The following MIPEP variants were observed in gnomAD, a reference collection of about 807,000 sequenced individuals.
The protein encoded by MIPEP is mitochondrial intermediate peptidase.
In MIPEP, 79 loss-of-function variants were observed where a neutral mutation model predicts 90.3. The observed-to-expected ratio is 0.87, with a 90% confidence interval of 0.73 to 1.05. MIPEP has a LOEUF of 1.05. MIPEP is among the 50% of genes least tolerant of loss of function. The pLI is 0.00. For synonymous variants in MIPEP, 334 were observed against 315.8 expected (o/e 1.06, Z -0.61); for missense variants, 940 against 905.6 (o/e 1.04, Z -0.49).
intron 2 of MIPEP, among the ~76,000 whole-genome samples, chr13:23,882,108 C>T (rs1422707761): frequency 2.7e-5 from 4 of 148,044 alleles, no homozygotes; most frequent in African/African-American, 1.0e-4. Flanking sequence ...CTTGCTCCGT[C>T]GCCCAGGCTG....
intron 7 of MIPEP, among the ~76,000 whole-genome samples, chr13:23,868,453 C>A (rs1345439758): frequency 6.6e-6 from 1 of 152,132 alleles, no homozygotes; most frequent in Non-Finnish European, 1.5e-5. Flanking sequence ...GGGATAAGCA[C>A]AGAAGGAATA....
At chr13:23,803,700 A>C (rs1271169363) in intron 16 of MIPEP, among the ~76,000 whole-genome samples, 1 of 152,128 alleles carries the variant, frequency 6.6e-6, no homozygotes, top group Non-Finnish European at 1.5e-5. Context: ...CTTAATTCCT[A>C]CAGCTTTATT....
intron 10 of MIPEP, among the ~76,000 whole-genome samples, chr13:23,853,598 T>C (rs1431852924): frequency 4.6e-5 from 7 of 151,882 alleles, no homozygotes; most frequent in Non-Finnish European, 8.8e-5. Flanking sequence ...TCTCACTCTG[T>C]TGCCCAAACT....
Position 23,760,200 on chromosome 13 carries a change from G to A in MIPEP, c.1866C>T (p.Phe622=). 6.2e-7 allele frequency: 1 copy of A among 1,614,054 alleles called. No individual in the cohort carries two copies. The highest frequency in any genetic ancestry group is 8.5e-7 in the Non-Finnish European group (1 of 1,179,982). Residue 622 remains phenylalanine, a synonymous_variant, in exon 17 of 19, where the codon TTC becomes TTT. Transcript: ENST00000382172. ...TAGCACCATACCCCACGAGGTGGCTGAATCGCAGCTGCCAGGCCTGCCAAG... is the reference window on the plus strand; with the variant it reads ...TAGCACCATACCCCACGAGGTGGCTAAATCGCAGCTGCCAGGCCTGCCAAG... ...YVPNTAWQLR[F]SHLVGYGARY...
In MIPEP at chr13:23,795,388, G is replaced by T. The variant is rs75448180; in HGVS notation, c.1848+10562C>A. 2.1e-3 allele frequency among the ~76,000 whole-genome samples: 313 copies of T among 152,238 alleles called. 2 individuals are homozygous for T. Among genetic ancestry groups the T allele is most frequent in the African/African-American group, 7.4e-3 (309 of 41,554 alleles). On this transcript the variant is annotated intron_variant, in intron 16 of 18. Coordinates refer to ENST00000382172, the MANE Select transcript of MIPEP (RefSeq NM_005932.4). ...TATGCCATTCTTTCAACCAACATCT[G>T]AACAAGTGTGGGATAAAAATAGCCA... is the stretch of plus-strand genomic sequence containing the variant.
At chr13:23,805,832 G>A in intron 16 of MIPEP, 118 bp downstream of exon 16, 1 of 1,083,992 alleles carries the variant, frequency 9.2e-7, no homozygotes, top group East Asian at 2.5e-5. Context: ...TGAGCCATGT[G>A]AAGCCTCAAC....
intron 14 of MIPEP, among the ~76,000 whole-genome samples, chr13:23,822,149 G>C (rs9510876): frequency 0.35 from 53,366 of 152,042 alleles, 9,993 homozygotes; most frequent in African/African-American, 0.48. Flanking sequence ...TTTTAAAATA[G>C]GAAAATGGTA....
intron 14 of MIPEP, among the ~76,000 whole-genome samples, chr13:23,835,825 A>C (rs1869013000): frequency 6.6e-6 from 1 of 152,242 alleles, no homozygotes; most frequent in African/African-American, 2.4e-5. Context: ...ATGGCACTGG[A>C]TTCAGTTTAA....
At chr13:23,799,681 G>A (rs548196308) in intron 16 of MIPEP, among the ~76,000 whole-genome samples, 1 of 152,302 alleles carries the variant, frequency 6.6e-6, no homozygotes, top group South Asian at 2.1e-4. Flanking sequence ...CCAGTTTGTT[G>A]CTGGATGCAA....
At position 23,861,493 on chromosome 13, in the gene MIPEP, G is replaced by A. The variant is rs946861389; in HGVS notation, c.1053+809C>T. Reference sequence around the variant, plus strand: ...AGACTGACATGCTACTCTACACATCGCTGAGTTTAATGGGATTAATCTGTT... The same window carrying A: ...AGACTGACATGCTACTCTACACATCACTGAGTTTAATGGGATTAATCTGTT... On this transcript the variant is annotated intron_variant, in intron 9 of 18. Transcript: ENST00000382172. 3.9e-5 allele frequency among the ~76,000 whole-genome samples: 6 copies of A among 152,226 alleles called. No individual in the cohort carries two copies. The East Asian group carries it at 9.7e-4, about 24-fold the overall frequency.
chr13:23,836,371 AGTTGGC>A, intron 13 of MIPEP, 22 bp from the exon 14 acceptor site: 1 of 1,415,006 alleles, frequency 7.1e-7, no homozygotes, highest in Non-Finnish European at 9.6e-7. Context: ...AAAAAAAAAA[AGTTGGC>A]ATGAATCAAA....
chr13:23,884,260 G>T (rs1464337389), intron 2 of MIPEP, among the ~76,000 whole-genome samples: 1 of 151,898 alleles, frequency 6.6e-6, no homozygotes, highest in African/African-American at 2.4e-5. Context: ...GGGGGTGGAT[G>T]GAACAGCTTT....
At chr13:23,817,061 A>G (rs754672712) in intron 14 of MIPEP, among the ~76,000 whole-genome samples, 36 of 152,334 alleles carry the variant, frequency 2.4e-4, no homozygotes, top group Non-Finnish European at 5.0e-4. Context: ...GCTTGAGAAA[A>G]GTTAGCATTC....
At chr13:23,806,369 A>AT (rs1402277903) in intron 15 of MIPEP, among the ~76,000 whole-genome samples, 1 of 152,162 alleles carries the variant, frequency 6.6e-6, no homozygotes, top group African/African-American at 2.4e-5. Context: ...CAAAACTGGA[A>AT]TTTTGCCAAA....
intron 18 of MIPEP, among the ~76,000 whole-genome samples, chr13:23,749,776 A>C (rs1041357469): frequency 1.3e-5 from 2 of 152,174 alleles, no homozygotes; most frequent in Admixed American, 6.5e-5. Context: ...CTCCATGCCA[A>C]CATAAAACTG....
At chr13:23,834,410 C>A (rs993766642) in intron 14 of MIPEP, among the ~76,000 whole-genome samples, 2 of 152,204 alleles carry the variant, frequency 1.3e-5, no homozygotes, top group African/African-American at 4.8e-5. Flanking sequence ...TGCTCCTCCC[C>A]TCTCCTGGGC....
At chr13:23,810,726 C>CAT (rs1353274007) in intron 14 of MIPEP, among the ~76,000 whole-genome samples, 1 of 152,182 alleles carries the variant, frequency 6.6e-6, no homozygotes, top group African/African-American at 2.4e-5. Flanking sequence ...ATAAATTAAC[C>CAT]ACCTGTGAAT....
intron 14 of MIPEP, among the ~76,000 whole-genome samples, chr13:23,813,444 G>A (rs113041065): frequency 6.6e-6 from 1 of 152,046 alleles, no homozygotes; most frequent in Non-Finnish European, 1.5e-5. Context: ...AAATCACCTC[G>A]TGTGTAAATA....
intron 18 of MIPEP, among the ~76,000 whole-genome samples, chr13:23,753,447 A>G (rs1256827891): frequency 2.6e-5 from 4 of 152,170 alleles, no homozygotes; most frequent in African/African-American, 9.7e-5. Context: ...TGTTGCCTTC[A>G]AATGGTATTT....
Sources: gnomAD v4.1 joint callset for allele counts (sites outside exome capture counted in the v4.1 genomes callset) on GRCh38, gnomAD v4.1.1 for gene constraint, MANE v1.5 for transcripts, NCBI Gene and HGNC (gene_info 2026-07-23, HGNC 2026-07-21) for gene names.